CLN6: variants seen among roughly 807,000 people sequenced by gnomAD.
CLN6 encodes ceroid-lipofuscinosis neuronal protein 6.
Under a neutral mutation model 33.3 loss-of-function variants are expected in CLN6, and 22 were observed. The ratio of observed to expected loss-of-function variants is 0.66; its 90% CI spans 0.47 to 0.94. The LOEUF (loss-of-function observed/expected upper bound fraction) is 0.94, where lower values mean the gene tolerates loss of function less well. CLN6 is among the 40% of genes least tolerant of loss of function. The pLI, the probability that CLN6 is intolerant of heterozygous loss-of-function variation, is 0.00. For synonymous variants in CLN6, 201 were observed against 174.6 expected (o/e 1.15, Z -1.19); for missense variants, 387 against 417.1 (o/e 0.93, Z 0.63).
intron 1 of CLN6, among the ~76,000 whole-genome samples, chr15:68,221,178 C>T (rs2093234595): frequency 6.6e-6 from 1 of 151,898 alleles, no homozygotes; most frequent in African/African-American, 2.4e-5. Context: ...TTTTTGATTA[C>T]TAGGCTTATC....
intron 1 of CLN6, among the ~76,000 whole-genome samples, chr15:68,250,451 C>G (rs1381277132): frequency 6.6e-6 from 1 of 151,776 alleles, no homozygotes; most frequent in Non-Finnish European, 1.5e-5. Flanking sequence ...ATGGTGAAAC[C>G]CCGTCTCTAC....
At chr15:68,255,856 C>T (rs986598777) in intron 1 of CLN6, among the ~76,000 whole-genome samples, 3 of 152,128 alleles carry the variant, frequency 2.0e-5, no homozygotes, top group Non-Finnish European at 4.4e-5. Flanking sequence ...TGCAGTGTTG[C>T]AGTCACCACT....
In CLN6 at chr15:68,256,053, T is replaced by C. The variant is rs1207736337; in HGVS notation, c.179+637A>G. Among the ~76,000 whole-genome samples, 2 of 152,098 alleles carry C rather than the reference T, an allele frequency of 1.3e-5. No individual in the cohort carries two copies. The highest frequency in any genetic ancestry group is 4.8e-5 in the African/African-American group (2 of 41,416). Reference sequence around the variant, plus strand: ...ATCCTCCTTCTTCGACCTCCCAAAGTGCTAGAATTACAGGCATGAGTCACC... The same window carrying C: ...ATCCTCCTTCTTCGACCTCCCAAAGCGCTAGAATTACAGGCATGAGTCACC... On this transcript the variant is annotated intron_variant, in intron 1 of 6. Transcript: ENST00000538696. The surrounding 1 kb of genome is among the most constrained non-coding windows in gnomAD (Gnocchi z 4.1).
In CLN6 at chr15:68,236,490, AGT is replaced by A. The variant is rs1892220870; in HGVS notation, c.180-17842_180-17841del. The stretch of plus-strand genomic sequence containing the variant: ...AACATTATGCTAAGTGAAAAATGCA[AGT>A]CATAAAAGGCCATATGCTGTATTAG... On this transcript the variant is annotated intron_variant, in intron 1 of 6. Coordinates refer to the CLN6 transcript ENST00000538696. This position sits in a 1 kb window ranked among gnomAD's most constrained non-coding sequence, Gnocchi z 4.5. Among the ~76,000 whole-genome samples, 1 of 152,232 alleles carries A rather than the reference AGT, an allele frequency of 6.6e-6. No individual in the cohort carries two copies. The highest frequency in any genetic ancestry group is 1.5e-5 in the Non-Finnish European group (1 of 68,032).
rs1210906780 is a variant in CLN6, at chr15:68,241,409, C to A, written c.179+15281G>T. On this transcript the variant is annotated intron_variant, in intron 1 of 6. Transcript: ENST00000538696. This position sits in a 1 kb window ranked among gnomAD's most constrained non-coding sequence, Gnocchi z 4.2. Reference sequence around the variant, plus strand: ...AATGGATTTCTACATCCATGACTCCCCTCCCTATAATCTGCCCAGCACCAA... The same window carrying A: ...AATGGATTTCTACATCCATGACTCCACTCCCTATAATCTGCCCAGCACCAA... Among the ~76,000 whole-genome samples the A allele has an allele frequency of 6.6e-6, 1 of 152,106 alleles. No individual in the cohort carries two copies.
chr15:68,243,559 A>C (rs1158279403), intron 1 of CLN6, among the ~76,000 whole-genome samples: 8 of 152,054 alleles, frequency 5.3e-5, no homozygotes, highest in Non-Finnish European at 1.0e-4. Flanking sequence ...GTTCGACACC[A>C]GCCTGGCCAA....
At position 68,211,538 on chromosome 15, in the gene CLN6, AG is replaced by A; in HGVS notation, c.486+136del. On this transcript the variant is annotated intron_variant, in intron 4 of 6. Transcript: ENST00000249806. The surrounding 1 kb of genome is among the most constrained non-coding windows in gnomAD (Gnocchi z 5.9). ...ACACTTGAGCATCCTAGCTTGGGGCAGGCGACAGTGCCCTCACCTAGCAGAA... is the reference window on the plus strand; with the variant it reads ...ACACTTGAGCATCCTAGCTTGGGGCAGCGACAGTGCCCTCACCTAGCAGAA... 2 of 1,595,822 alleles carry A rather than the reference AG, an allele frequency of 1.3e-6. No individual in the cohort carries two copies. Among genetic ancestry groups the A allele is most frequent in the Admixed American group, 1.7e-5 (1 of 59,738 alleles).
At position 68,219,266 on chromosome 15, in the gene CLN6, G is replaced by A. The variant is rs575093625; in HGVS notation, c.84-616C>T. Among the ~76,000 whole-genome samples the A allele has an allele frequency of 1.7e-3, 262 of 152,128 alleles. 1 individual carries two copies. Among genetic ancestry groups the A allele is most frequent in the Non-Finnish European group, 3.0e-3 (201 of 68,018 alleles). On this transcript the variant is annotated intron_variant, in intron 1 of 6. Coordinates refer to ENST00000249806, the MANE Select transcript of CLN6 (RefSeq NM_017882.3). The surrounding 1 kb of genome is among the most constrained non-coding windows in gnomAD (Gnocchi z 4.2). ...GGATTGGTCTATGGGATGGGCATGT[G>A]ACCAGAGCTTGGCCAATCAGAGCCC...
rs1056408968 is a variant in CLN6, at chr15:68,242,786, A to C, written c.179+13904T>G. Among the ~76,000 whole-genome samples the C allele has an allele frequency of 7.2e-5, 11 of 152,274 alleles. No homozygotes were observed. Among genetic ancestry groups the C allele is most frequent in the African/African-American group, 2.6e-4 (11 of 41,548 alleles). ...CAAACTGTTTCTTTGACTTTTGAAA[A>C]TGGTTTGATTTACCTACTTTGGAGC... On this transcript the variant is annotated intron_variant, in intron 1 of 6. Transcript: ENST00000538696. This position sits in a 1 kb window ranked among gnomAD's most constrained non-coding sequence, Gnocchi z 5.0.
At chr15:68,254,800 A>G in intron 1 of CLN6, 1 of 1,037,348 alleles carries the variant, frequency 9.6e-7, no homozygotes, top group Non-Finnish European at 1.5e-6. Context: ...CAAAAGGGAA[A>G]AGGGAAAAGC....
rs759700126 is a variant in CLN6 at position 68,242,541 on chromosome 15, AAAATAAAT to A, written c.179+14141_179+14148del. 5.9e-5 allele frequency among the ~76,000 whole-genome samples: 9 copies of A among 152,074 alleles called. No homozygotes were observed. Among genetic ancestry groups the A allele is most frequent in the Non-Finnish European group, 1.2e-4 (8 of 68,002 alleles). On this transcript the variant is annotated intron_variant, in intron 1 of 6. Coordinates refer to the CLN6 transcript ENST00000538696. This position sits in a 1 kb window ranked among gnomAD's most constrained non-coding sequence, Gnocchi z 5.0. The stretch of plus-strand genomic sequence containing the variant: ...ATAAATAATAAGGAGACTCCATCTC[AAAATAAAT>A]AAATAAATAAATAAGGAAAAGAAAA...
chr15:68,256,830 G>T lies in CLN6; in HGVS notation c.39C>A (p.Gly13=). Residue 13 remains glycine, a synonymous_variant, in exon 1 of 7, where the codon GGC becomes GGA. Transcript: ENST00000538696. The surrounding 1 kb of genome is among the most constrained non-coding windows in gnomAD (Gnocchi z 4.1). ...CTCCCAGTGTCTCTGGCCGGGGCCT[G>T]CCTCTCGCTCGCCGCTCCTTCCCGG... The T allele has an allele frequency of 1.4e-6, 1 of 700,464 alleles. No homozygotes were observed. The highest frequency in any genetic ancestry group is 2.6e-6 in the Non-Finnish European group (1 of 383,628). The allele number at this position is 700,464 out of a possible 1,614,324, so 43.4% of individuals were successfully genotyped here.
intron 2 of CLN6, among the ~76,000 whole-genome samples, chr15:68,216,460 C>T (rs963313848): frequency 4.6e-5 from 7 of 152,204 alleles, no homozygotes; most frequent in Non-Finnish European, 8.8e-5. Flanking sequence ...GGAAGGAGAA[C>T]CAGCACCCAC....
In CLN6 at chr15:68,236,459, C is replaced by T. The variant is rs1216043655; in HGVS notation, c.180-17809G>A. ...AAGTACTGATGTAACATGGTTCAAC[C>T]TTGGAAACATTATGCTAAGTGAAAA... On this transcript the variant is annotated intron_variant, in intron 1 of 6. Coordinates refer to the CLN6 transcript ENST00000538696. The surrounding 1 kb of genome is among the most constrained non-coding windows in gnomAD (Gnocchi z 4.5). Among the ~76,000 whole-genome samples the T allele has an allele frequency of 6.6e-6, 1 of 152,182 alleles. No homozygotes were observed. Among genetic ancestry groups the T allele is most frequent in the Non-Finnish European group, 1.5e-5 (1 of 68,034 alleles).
chr15:68,222,835 C>T (rs1344647466), intron 1 of CLN6, among the ~76,000 whole-genome samples: 1 of 152,168 alleles, frequency 6.6e-6, no homozygotes, highest in Non-Finnish European at 1.5e-5. Flanking sequence ...CCCCCAACCC[C>T]GTGCTCTCTG....
chr15:68,236,931 G>A lies in CLN6; in HGVS notation c.180-18281C>T, dbSNP rs1390011866. ...CCAGCACTTTGGGAGGCCGAGGCGGGTGGATCATGAGGTCAGGAGATCGAG... is the reference window on the plus strand; with the variant it reads ...CCAGCACTTTGGGAGGCCGAGGCGGATGGATCATGAGGTCAGGAGATCGAG... On this transcript the variant is annotated intron_variant, in intron 1 of 6. Transcript: ENST00000538696. This position sits in a 1 kb window ranked among gnomAD's most constrained non-coding sequence, Gnocchi z 4.5. Among the ~76,000 whole-genome samples, 3 of 151,084 alleles carry A rather than the reference G, an allele frequency of 2.0e-5. No individual in the cohort carries two copies. Among genetic ancestry groups the A allele is most frequent in the Non-Finnish European group, 4.4e-5 (3 of 67,756 alleles).
At chr15:68,224,942 C>T (rs1356502375) in intron 1 of CLN6, among the ~76,000 whole-genome samples, 1 of 152,124 alleles carries the variant, frequency 6.6e-6, no homozygotes, top group Non-Finnish European at 1.5e-5. Flanking sequence ...GGGACAATGA[C>T]ACCACGACAG....
upstream of CLN6, among the ~76,000 whole-genome samples, chr15:68,230,186 T>A (rs1484484696): frequency 6.6e-6 from 1 of 151,962 alleles, no homozygotes; most frequent in Non-Finnish European, 1.5e-5. The surrounding 1 kb of genome is among the most constrained non-coding windows in gnomAD (Gnocchi z 4.0). Flanking sequence ...AGCGAGTTGG[T>A]GACATCTAGA....
upstream of CLN6, among the ~76,000 whole-genome samples, chr15:68,234,609 C>T (rs1892200514): frequency 6.6e-6 from 1 of 152,246 alleles, no homozygotes; most frequent in African/African-American, 2.4e-5. This position sits in a 1 kb window ranked among gnomAD's most constrained non-coding sequence, Gnocchi z 4.1. Context: ...TTGCTCTCTG[C>T]TAGCCCGTTC....
Sources: gnomAD v4.1 joint callset for allele counts (sites outside exome capture counted in the v4.1 genomes callset) on GRCh38, gnomAD v4.1.1 for gene constraint, Gnocchi (gnomAD v3.1) non-coding constraint, MANE v1.5 for transcripts, NCBI Gene and HGNC (gene_info 2026-07-23, HGNC 2026-07-21) for gene names.